Variants in FGF14 observed in about 807,000 individuals in gnomAD.
FGF14 encodes fibroblast growth factor 14, also known as fibroblast growth factor homologous factor 4.
Under a neutral mutation model 25.5 loss-of-function variants are expected in FGF14, and 5 were observed. The observed-to-expected ratio is 0.20, with a 90% confidence interval of 0.10 to 0.41. The LOEUF is 0.41. FGF14 is among the 10% of genes least tolerant of loss of function. FGF14 has a pLI of 1.00. For synonymous variants in FGF14, 138 were observed against 118.3 expected (o/e 1.17, Z -1.08); for missense variants, 222 against 320.1 (o/e 0.69, Z 2.34).
chr13:102,345,389 C>A (rs2057075398), intron 1 of FGF14, among the ~76,000 whole-genome samples: 1 of 151,976 alleles, frequency 6.6e-6, no homozygotes, highest in South Asian at 2.1e-4. Flanking sequence ...TTTGGCATGT[C>A]CTCCCATTCT....
chr13:102,060,335 C>T (rs958956973), intron 1 of FGF14, among the ~76,000 whole-genome samples: 3 of 151,978 alleles, frequency 2.0e-5, no homozygotes, highest in Admixed American at 1.3e-4. Context: ...ACCATCCTGG[C>T]TAACACAGTG....
chr13:101,936,253 G>A (rs575172306), intron 1 of FGF14, among the ~76,000 whole-genome samples: 1 of 152,252 alleles, frequency 6.6e-6, no homozygotes, highest in East Asian at 1.9e-4. Context: ...GAGGGTTGTG[G>A]GCACTTACGT....
At chr13:102,339,762 T>C (rs941619740) in intron 1 of FGF14, among the ~76,000 whole-genome samples, 4 of 152,154 alleles carry the variant, frequency 2.6e-5, no homozygotes, top group African/African-American at 9.7e-5. Flanking sequence ...CAAGAAGTCA[T>C]CATGGTGAGA....
intron 3 of FGF14, among the ~76,000 whole-genome samples, chr13:101,771,149 C>T (rs2038744627): frequency 6.6e-6 from 1 of 151,928 alleles, no homozygotes; most frequent in South Asian, 2.1e-4. Flanking sequence ...TGGTGCAAAT[C>T]AGCATGGATC....
At chr13:101,818,246 T>C (rs2041938607) in intron 3 of FGF14, among the ~76,000 whole-genome samples, 1 of 152,222 alleles carries the variant, frequency 6.6e-6, no homozygotes, top group African/African-American at 2.4e-5. Context: ...TTGAAACTTC[T>C]TTAGGTGGGA....
rs964611247 is a variant in FGF14 at position 101,883,379 on chromosome 13, G to A, written c.194-8083C>T. The stretch of plus-strand genomic sequence containing the variant: ...CAACATTTTACATTGGAAAACAGGA[G>A]GAGAAATCCTTTCTATGTTTTGTTT... On this transcript the variant is annotated intron_variant, in intron 1 of 4. Transcript: ENST00000376143. 2.0e-5 allele frequency among the ~76,000 whole-genome samples: 3 copies of A among 152,158 alleles called. No individual in the cohort carries two copies. The East Asian group carries it at 5.8e-4, about 29-fold the overall frequency.
At chr13:101,957,180 A>G (rs2036566240) in intron 1 of FGF14, among the ~76,000 whole-genome samples, 1 of 152,188 alleles carries the variant, frequency 6.6e-6, no homozygotes, top group Non-Finnish European at 1.5e-5. Context: ...AAAACAGAAT[A>G]TACAATACAG....
chr13:102,098,051 C>T (rs1427094832), intron 1 of FGF14, among the ~76,000 whole-genome samples: 1 of 152,196 alleles, frequency 6.6e-6, no homozygotes, highest in Admixed American at 6.5e-5. Flanking sequence ...TGTGGCTTTC[C>T]CTCTTCAGGT....
intron 1 of FGF14, among the ~76,000 whole-genome samples, chr13:101,903,230 C>G (rs1192006690): frequency 7.1e-6 from 1 of 140,714 alleles, no homozygotes; most frequent in Non-Finnish European, 1.5e-5. Flanking sequence ...TGTGGAGACT[C>G]TAATTGTGGT....
In FGF14 at chr13:101,889,158, C is replaced by A. The variant is rs535947003; in HGVS notation, c.194-13862G>T. Among the ~76,000 whole-genome samples, 16 of 152,234 alleles carry A rather than the reference C, an allele frequency of 1.1e-4. No individual in the cohort carries two copies. The South Asian group carries it at 3.3e-3, about 31-fold the overall frequency. On this transcript the variant is annotated intron_variant, in intron 1 of 4. Coordinates refer to ENST00000376143, the MANE Select transcript of FGF14 (RefSeq NM_004115.4). ...GCAGCTTTCAGAACTGTGAGAAACACATTTCTGTTATTGAAGCCACCAAGT... is the reference window on the plus strand; with the variant it reads ...GCAGCTTTCAGAACTGTGAGAAACAAATTTCTGTTATTGAAGCCACCAAGT...
At chr13:102,391,673 T>C (rs527844990) in intron 1 of FGF14, among the ~76,000 whole-genome samples, 15 of 152,292 alleles carry the variant, frequency 9.8e-5, no homozygotes, top group African/African-American at 3.1e-4. Context: ...ATAATCAAGT[T>C]AATGGAAAAC....
At chr13:101,898,375 CAT>C (rs2031035536) in intron 1 of FGF14, among the ~76,000 whole-genome samples, 2 of 151,476 alleles carry the variant, frequency 1.3e-5, no homozygotes, top group East Asian at 1.9e-4. Context: ...CACACACACA[CAT>C]ATCCCCAGAA....
intron 1 of FGF14, among the ~76,000 whole-genome samples, chr13:101,989,103 T>C (rs1480013666): frequency 6.6e-6 from 1 of 152,124 alleles, no homozygotes; most frequent in African/African-American, 2.4e-5. Context: ...TTAAAAAGAA[T>C]CTTTTAATAA....
intron 3 of FGF14, among the ~76,000 whole-genome samples, chr13:101,854,357 G>A (rs765330098): frequency 2.6e-5 from 4 of 152,068 alleles, no homozygotes; most frequent in Non-Finnish European, 5.9e-5. Context: ...CTAAACTGAT[G>A]TTTCATCACT....
chr13:102,144,303 C>T (rs1179766482), intron 1 of FGF14, among the ~76,000 whole-genome samples: 1 of 152,170 alleles, frequency 6.6e-6, no homozygotes, highest in African/African-American at 2.4e-5. Context: ...CTACTGCTTC[C>T]ATCTTCTCCA....
intron 1 of FGF14, among the ~76,000 whole-genome samples, chr13:102,014,515 G>T (rs2040238048): frequency 6.6e-6 from 1 of 152,018 alleles, no homozygotes; most frequent in Non-Finnish European, 1.5e-5. Flanking sequence ...GTAAACTAAA[G>T]CAAACAAAAA....
At chr13:102,202,692 T>C (rs893024642) in intron 1 of FGF14, among the ~76,000 whole-genome samples, 2 of 152,228 alleles carry the variant, frequency 1.3e-5, no homozygotes, top group African/African-American at 4.8e-5. Flanking sequence ...TCTGACCTAG[T>C]GTGCTTAGAG....
At chr13:101,929,496 A>T (rs1201843695) in intron 1 of FGF14, among the ~76,000 whole-genome samples, 1 of 152,228 alleles carries the variant, frequency 6.6e-6, no homozygotes, top group East Asian at 1.9e-4. Context: ...GGGGACATTC[A>T]CACCAGCTGT....
intron 1 of FGF14, among the ~76,000 whole-genome samples, chr13:102,386,609 G>A (rs1210601488): frequency 6.6e-6 from 1 of 152,124 alleles, no homozygotes; most frequent in Admixed American, 6.5e-5. Flanking sequence ...AATAACAAAA[G>A]CGAGAGTAAA....
Sources: allele counts gnomAD v4.1 joint callset (sites outside exome capture counted in the v4.1 genomes callset), GRCh38; gene constraint gnomAD v4.1.1; transcripts MANE v1.5; gene names NCBI Gene and HGNC (gene_info 2026-07-23, HGNC 2026-07-21).